The following CACUL1 variants were observed in gnomAD, a reference collection of about 807,000 sequenced individuals.
CACUL1 encodes the protein CDK2 associated cullin domain 1.
A neutral mutation model predicts 45.2 loss-of-function variants in CACUL1; 13 were observed. The observed-to-expected ratio is 0.29, with a 90% CI of 0.19 to 0.46. The LOEUF is 0.46. Ranked by LOEUF, CACUL1 falls within the 20% of genes least tolerant of loss-of-function variation. The probability of loss-of-function intolerance (pLI) is 1.00; values close to 1 mark genes in which losing one functional copy is unlikely to be tolerated. For missense variants in CACUL1, 421 were observed against 471.4 expected, an observed-to-expected ratio of 0.89 and a Z score of 0.99; for synonymous variants, 197 against 174.2, an observed-to-expected ratio of 1.13 and a Z score of -1.03.
rs1169728074 is a variant in CACUL1, at chr10:118,684,710, T to C, written c.*1418A>G. 1 of 152,106 alleles carries C rather than the reference T, an allele frequency of 6.6e-6. No individual in the cohort carries two copies. Among genetic ancestry groups the C allele is most frequent in the Non-Finnish European group, 1.5e-5 (1 of 68,028 alleles). The allele number at this position is 152,106 out of a possible 1,614,324, so 9.4% of individuals were successfully genotyped here. A position where few individuals can be genotyped will look rare whatever the true frequency, so the allele number is the denominator to read the frequency against. ...CACTCCCCCCAAAAAATAAACTGAA[T>C]TGGCAGAGGCAGCTGTATGAAGAAC... On this transcript the variant is annotated 3_prime_UTR_variant, in exon 9 of 9. Transcript: ENST00000369151.
At position 118,729,555 on chromosome 10, in the gene CACUL1, C is replaced by T. The variant is rs149784772; in HGVS notation, c.495-158G>A. ...ACTTTTAAATAAAAACTTTATCCTC[C>T]CCCATCGGTGTTCGGATGGAAAAGA... On this transcript the variant is annotated intron_variant, in intron 2 of 8. Transcript: ENST00000369151. 8.5e-5 allele frequency among the ~76,000 whole-genome samples: 13 copies of T among 152,292 alleles called. No homozygotes were observed. In the East Asian group the frequency reaches 2.3e-3, roughly 27 times the overall value.
At chr10:118,741,075 T>C (rs1044568832) in intron 1 of CACUL1, among the ~76,000 whole-genome samples, 5 of 152,124 alleles carry the variant, frequency 3.3e-5, no homozygotes, top group Admixed American at 3.3e-4. Flanking sequence ...TTGAAATGTG[T>C]GGCTAATACC....
chr10:118,721,291 T>C (rs945824152), intron 3 of CACUL1, among the ~76,000 whole-genome samples: 1 of 152,260 alleles, frequency 6.6e-6, no homozygotes, highest in African/African-American at 2.4e-5. Context: ...ATTGGCAATC[T>C]GGCAGTAAAG....
intron 1 of CACUL1, among the ~76,000 whole-genome samples, chr10:118,736,430 G>C (rs1318554041): frequency 1.3e-5 from 2 of 151,396 alleles, no homozygotes; most frequent in Non-Finnish European, 2.9e-5. Context: ...CTGTCACCCA[G>C]GCTGGAGTAC....
At chr10:118,750,351 T>C (rs1007416912) in intron 1 of CACUL1, among the ~76,000 whole-genome samples, 25 of 151,948 alleles carry the variant, frequency 1.6e-4, no homozygotes, top group Admixed American at 1.3e-4. Flanking sequence ...GTGATAATTA[T>C]GACATTCTTA....
Position 118,754,574 on chromosome 10 carries a change from G to T in CACUL1, c.189C>A (p.Val63=), listed in dbSNP as rs369119194. The change falls in exon 1 of 9, where the codon GTC becomes GTA. Residue 63 remains valine, a synonymous_variant. Coordinates refer to ENST00000369151, the MANE Select transcript of CACUL1 (RefSeq NM_153810.5). ...PGGQLLAVPA[V]SVDRKGPKEG... is the part of the protein sequence containing the mutation. ...CCTTGGGGCCTTTCCTGTCCACGGA[G>T]ACCGCGGGCACCGCCAGCAGCTGCC... 1.6e-5 allele frequency: 25 copies of T among 1,610,214 alleles called. No individual in the cohort carries two copies. Among genetic ancestry groups the T allele is most frequent in the Non-Finnish European group, 2.1e-5 (25 of 1,178,606 alleles).
At chr10:118,714,983 T>C (rs1845528149) in intron 3 of CACUL1, among the ~76,000 whole-genome samples, 1 of 152,222 alleles carries the variant, frequency 6.6e-6, no homozygotes, top group Non-Finnish European at 1.5e-5. Context: ...GATGCTTGAA[T>C]GTACTATTTA....
At chr10:118,749,733 C>T (rs1013454188) in intron 1 of CACUL1, among the ~76,000 whole-genome samples, 10 of 152,202 alleles carry the variant, frequency 6.6e-5, no homozygotes, top group Non-Finnish European at 1.3e-4. Context: ...TAAGCCAATA[C>T]GAACCCTAAG....
At chr10:118,739,570 A>G (rs1247849315) in intron 1 of CACUL1, among the ~76,000 whole-genome samples, 1 of 152,184 alleles carries the variant, frequency 6.6e-6, no homozygotes, top group Non-Finnish European at 1.5e-5. Context: ...GCATTTTTAG[A>G]TATGCCAAGA....
intron 3 of CACUL1, among the ~76,000 whole-genome samples, chr10:118,709,757 AT>A (rs1448758503): frequency 6.6e-6 from 1 of 152,194 alleles, no homozygotes; most frequent in Non-Finnish European, 1.5e-5. Context: ...TTTTGATACT[AT>A]TTTCAAATAA....
At chr10:118,725,631 A>T (rs1845645057) in intron 3 of CACUL1, among the ~76,000 whole-genome samples, 1 of 152,232 alleles carries the variant, frequency 6.6e-6, no homozygotes, top group African/African-American at 2.4e-5. Flanking sequence ...CACTAAGGGG[A>T]CTTAGCTATT....
Position 118,678,011 on chromosome 10 carries a change from T to C in CACUL1, c.*8117A>G, listed in dbSNP as rs1403520265. 6.6e-6 allele frequency: 1 copy of C among 152,248 alleles called. No individual in the cohort carries two copies. 9.4% of individuals were successfully genotyped at this position (152,248 alleles called of 1,614,324 possible). A position where few individuals can be genotyped will look rare whatever the true frequency, so the allele number is the denominator to read the frequency against. On this transcript the variant is annotated 3_prime_UTR_variant, in exon 9 of 9. Coordinates refer to ENST00000369151, the MANE Select transcript of CACUL1 (RefSeq NM_153810.5). ...ATTGTTATTTTCAGACTTCTCATAA[T>C]TTCTGCCAAGTTGTCAGCAAGGAAA...
intron 3 of CACUL1, among the ~76,000 whole-genome samples, chr10:118,713,295 G>A (rs1291625945): frequency 1.3e-5 from 2 of 152,176 alleles, no homozygotes; most frequent in African/African-American, 4.8e-5. Flanking sequence ...AGCCTTCGAG[G>A]GCAGGGGGTC....
chr10:118,697,329 G>A (rs1022943301), intron 5 of CACUL1, among the ~76,000 whole-genome samples: 1 of 152,240 alleles, frequency 6.6e-6, no homozygotes, highest in African/African-American at 2.4e-5. Context: ...AGAGGCAGAA[G>A]AAGTTTGAGA....
intron 1 of CACUL1, among the ~76,000 whole-genome samples, chr10:118,732,381 G>A (rs1299507834): frequency 1.3e-5 from 2 of 152,174 alleles, no homozygotes; most frequent in African/African-American, 2.4e-5. Context: ...AAATGAGGAA[G>A]ACTGCACGAA....
intron 1 of CACUL1, among the ~76,000 whole-genome samples, chr10:118,750,456 T>G (rs1474138052): frequency 6.6e-6 from 1 of 152,136 alleles, no homozygotes; most frequent in Non-Finnish European, 1.5e-5. Context: ...CCAATTTTAG[T>G]TGCTGTTCCA....
chr10:118,725,091 G>C (rs1845639501), intron 3 of CACUL1, among the ~76,000 whole-genome samples: 1 of 152,070 alleles, frequency 6.6e-6, no homozygotes, highest in South Asian at 2.1e-4. Flanking sequence ...ACTGGTATAG[G>C]AAAATACCAG....
At chr10:118,692,741 T>C (rs540164123) in intron 6 of CACUL1, 1 of 152,282 alleles carries the variant, frequency 6.6e-6, no homozygotes, top group South Asian at 2.1e-4. Flanking sequence ...ATAATCTGAG[T>C]AAATGATTAT....
chr10:118,686,823 C>A (rs1490166479), intron 7 of CACUL1, 182 bp from the exon 8 acceptor site: 27 of 601,880 alleles, frequency 4.5e-5, no homozygotes, highest in Non-Finnish European at 7.7e-5. Context: ...GATGGAAGAA[C>A]ATGAGCCTTT....
Sources: allele counts gnomAD v4.1 joint callset (sites outside exome capture counted in the v4.1 genomes callset), GRCh38; gene constraint gnomAD v4.1.1; transcripts MANE v1.5; gene names NCBI Gene and HGNC (gene_info 2026-07-23, HGNC 2026-07-21).